IFT88: variants seen among roughly 807,000 people sequenced by gnomAD.
IFT88 encodes intraflagellar transport 88.
IFT88 carries 74 observed loss-of-function variants against 119.5 expected under a neutral mutation model. The ratio of observed to expected loss-of-function variants is 0.62; its 90% CI spans 0.51 to 0.75. IFT88 has a LOEUF of 0.75. Among genes scored for constraint, IFT88 ranks in the 30% least tolerant of loss-of-function variants. The pLI, the probability that IFT88 is intolerant of heterozygous loss-of-function variation, is 0.00. For synonymous variants in IFT88, 279 were observed against 316.7 expected (o/e 0.88, Z 1.26); for missense variants, 961 against 977.7 (o/e 0.98, Z 0.23).
At chr13:20,645,034 A>C (rs2050523593) in intron 20 of IFT88, 76 bp downstream of exon 20, 2 of 628,392 alleles carry the variant, frequency 3.2e-6, no homozygotes, top group Non-Finnish European at 5.7e-6. Flanking sequence ...TTAGTATCTG[A>C]TAGACCTAGT....
chr13:20,680,179 A>G (rs1566469807), intron 24 of IFT88, among the ~76,000 whole-genome samples: 1 of 152,242 alleles, frequency 6.6e-6, no homozygotes, highest in East Asian at 1.9e-4. Context: ...TACTAAGACC[A>G]GAAAGCATAT....
At chr13:20,626,043 CTTTTTTTTTTTTTTT>C (rs528587128) in intron 15 of IFT88, among the ~76,000 whole-genome samples, 194 bp downstream of exon 15, 3 of 39,538 alleles carry the variant, frequency 7.6e-5, no homozygotes, top group African/African-American at 2.3e-4. Flanking sequence ...TTTGTCGTTT[CTTTTTTTTTTTTTTT>C]TTTTTTTTTT....
At chr13:20,569,303 G>C (rs1305221360) in intron 1 of IFT88, among the ~76,000 whole-genome samples, 1 of 152,066 alleles carries the variant, frequency 6.6e-6, no homozygotes, top group African/African-American at 2.4e-5. Context: ...GCCAGGCGTG[G>C]TGGCTCACGC....
intron 3 of IFT88, among the ~76,000 whole-genome samples, chr13:20,583,438 A>G (rs530243675): frequency 2.6e-5 from 4 of 152,308 alleles, no homozygotes; most frequent in African/African-American, 9.6e-5. Context: ...TTGTATGTTT[A>G]TACCACATTT....
chr13:20,568,136 G>C (rs1215607560), intron 1 of IFT88: 6 of 577,690 alleles, frequency 1.0e-5, no homozygotes, highest in Non-Finnish European at 1.9e-5. Context: ...GAAGTAGACT[G>C]TCCATAGTCA....
At chr13:20,610,395 C>T (rs903510013) in intron 13 of IFT88, among the ~76,000 whole-genome samples, 7 of 151,982 alleles carry the variant, frequency 4.6e-5, no homozygotes, top group Non-Finnish European at 7.4e-5. Context: ...GTGCCTTCAC[C>T]GAAGGCAGTC....
intron 24 of IFT88, among the ~76,000 whole-genome samples, chr13:20,675,116 C>T (rs1028252778): frequency 1.3e-5 from 2 of 152,058 alleles, no homozygotes; most frequent in Non-Finnish European, 2.9e-5. Context: ...ATGAACAAGT[C>T]ATGCTCAGTG....
chr13:20,649,483 C>A (rs189633932), intron 20 of IFT88, among the ~76,000 whole-genome samples: 2 of 152,116 alleles, frequency 1.3e-5, no homozygotes, highest in African/African-American at 4.8e-5. Context: ...CTAAAACTTA[C>A]AAGATGCTGC....
chr13:20,578,579 C>A (rs893798023), intron 2 of IFT88, among the ~76,000 whole-genome samples: 1 of 151,712 alleles, frequency 6.6e-6, no homozygotes, highest in Non-Finnish European at 1.5e-5. Context: ...GACAGAGTCT[C>A]GCTCTGGTTG....
chr13:20,688,299 A>G (rs996720875), intron 24 of IFT88, among the ~76,000 whole-genome samples: 1 of 152,232 alleles, frequency 6.6e-6, no homozygotes, highest in African/African-American at 2.4e-5. Flanking sequence ...GTGAGACAAG[A>G]TCACACCATC....
intron 2 of IFT88, among the ~76,000 whole-genome samples, chr13:20,580,211 T>C (rs919960719): frequency 4.6e-5 from 7 of 152,172 alleles, no homozygotes; most frequent in Non-Finnish European, 7.3e-5. Flanking sequence ...ATTGAAAATA[T>C]ATAGGTGATT....
At chr13:20,640,867 C>T (rs879607744) in intron 17 of IFT88, among the ~76,000 whole-genome samples, 7 of 152,006 alleles carry the variant, frequency 4.6e-5, no homozygotes, top group Non-Finnish European at 7.4e-5. Flanking sequence ...CTCAGTTGGC[C>T]GGGTGTGGTG....
chr13:20,593,578 C>T (rs1417022983), intron 7 of IFT88, among the ~76,000 whole-genome samples: 1 of 151,478 alleles, frequency 6.6e-6, no homozygotes. Context: ...AGTATTTAGG[C>T]TTTCGTGTAA....
intron 17 of IFT88, among the ~76,000 whole-genome samples, chr13:20,640,434 G>A (rs556867570): frequency 6.6e-6 from 1 of 152,042 alleles, no homozygotes; most frequent in South Asian, 2.1e-4. Flanking sequence ...TTAGCCAGGC[G>A]TGATGGCGGG....
At position 20,615,585 on chromosome 13, in the gene IFT88, C is replaced by T. The variant is rs190781250; in HGVS notation, c.1113-208C>T. Among the ~76,000 whole-genome samples the T allele has an allele frequency of 1.6e-4, 24 of 152,130 alleles. 1 individual carries two copies. The highest frequency in any genetic ancestry group is 3.1e-4 in the Non-Finnish European group (21 of 68,034). On this transcript the variant is annotated intron_variant, in intron 13 of 25. Transcript: ENST00000351808. ...AGAAAAGAAATGAACACCGTTGACC[C>T]GGCAGGCAATCATGGCTTGCTAATT...
At chr13:20,608,882 GCTCT>G (rs567389891) in intron 13 of IFT88, among the ~76,000 whole-genome samples, 80 of 152,126 alleles carry the variant, frequency 5.3e-4, no homozygotes, top group African/African-American at 1.8e-3. Flanking sequence ...AAGGGAAACT[GCTCT>G]CTCTCTCTCC....
At chr13:20,657,998 G>T (rs926327291) in intron 22 of IFT88, among the ~76,000 whole-genome samples, 2 of 151,948 alleles carry the variant, frequency 1.3e-5, no homozygotes, top group South Asian at 4.1e-4. Context: ...TAGGAGCAGG[G>T]TGTTCTCCAA....
At chr13:20,594,230 G>C (rs2041238590) in intron 7 of IFT88, among the ~76,000 whole-genome samples, 1 of 152,008 alleles carries the variant, frequency 6.6e-6, no homozygotes, top group Admixed American at 6.6e-5. Flanking sequence ...AGCGCCTGCC[G>C]ATCATTATGA....
intron 16 of IFT88, among the ~76,000 whole-genome samples, chr13:20,636,022 T>A (rs1388459251): frequency 6.6e-6 from 1 of 152,208 alleles, no homozygotes; most frequent in Non-Finnish European, 1.5e-5. Context: ...TATCTGTCCC[T>A]TTAATCCAAA....
Sources: gnomAD v4.1 joint callset for allele counts (sites outside exome capture counted in the v4.1 genomes callset) on GRCh38, gnomAD v4.1.1 for gene constraint, MANE v1.5 for transcripts, NCBI Gene and HGNC (gene_info 2026-07-23, HGNC 2026-07-21) for gene names.